PCDHA13: variants seen among roughly 807,000 people sequenced by gnomAD.
The protein encoded by PCDHA13 is protocadherin alpha-13.
PCDHA13 carries 54 observed loss-of-function variants against 64.8 expected under a neutral mutation model. That is an observed-to-expected ratio of 0.83 (90% CI 0.67 to 1.04). The LOEUF is 1.04. PCDHA13 is among the 50% of genes least tolerant of loss of function. The pLI is 0.00. For missense variants in PCDHA13, 1,248 were observed against 1,254.3 expected, an observed-to-expected ratio of 0.99 and a Z score of 0.08; for synonymous variants, 587 against 564.4, an observed-to-expected ratio of 1.04 and a Z score of -0.57.
chr5:140,948,403 T>A (rs2153683270), intron 1 of PCDHA13, among the ~76,000 whole-genome samples: 1 of 151,756 alleles, frequency 6.6e-6, no homozygotes, highest in Non-Finnish European at 1.5e-5. Context: ...GGTTGTGTAA[T>A]ATTGGTGTTA....
At chr5:140,917,332 G>GC (rs1293292013) in intron 1 of PCDHA13, among the ~76,000 whole-genome samples, 1 of 145,540 alleles carries the variant, frequency 6.9e-6, no homozygotes, top group Non-Finnish European at 1.5e-5. Flanking sequence ...GGCGGGGGAG[G>GC]GGGGGGATGG....
At chr5:140,905,704 T>C (rs960569704) in intron 1 of PCDHA13, among the ~76,000 whole-genome samples, 2 of 152,242 alleles carry the variant, frequency 1.3e-5, no homozygotes, top group African/African-American at 4.8e-5. Context: ...TCATTTATGA[T>C]TTCCTTCAGC....
At chr5:140,955,043 T>C (rs1285355120) in intron 1 of PCDHA13, among the ~76,000 whole-genome samples, 1 of 152,176 alleles carries the variant, frequency 6.6e-6, no homozygotes, top group Non-Finnish European at 1.5e-5. Context: ...CTTTTCCTCA[T>C]TGCTTGTTTT....
At chr5:140,928,932 G>T in intron 1 of PCDHA13, 5 of 1,614,108 alleles carry the variant, frequency 3.1e-6, no homozygotes, top group Non-Finnish European at 2.5e-6. Flanking sequence ...TTTCTGCCCA[G>T]AACTTGTATT....
At chr5:140,895,130 G>A (rs1423440826) in intron 1 of PCDHA13, among the ~76,000 whole-genome samples, 11 of 152,232 alleles carry the variant, frequency 7.2e-5, no homozygotes, top group African/African-American at 2.6e-4. Flanking sequence ...TAGTTGACAA[G>A]TTCATAGGGC....
chr5:140,958,242 T>A (rs1375619471), intron 1 of PCDHA13, among the ~76,000 whole-genome samples: 1 of 152,120 alleles, frequency 6.6e-6, no homozygotes, highest in Non-Finnish European at 1.5e-5. Context: ...TTTTTAACAA[T>A]TCTGAACAAA....
At chr5:140,989,863 TTCTC>T (rs2097364159) in intron 3 of PCDHA13, among the ~76,000 whole-genome samples, 1 of 151,988 alleles carries the variant, frequency 6.6e-6, no homozygotes, top group Non-Finnish European at 1.5e-5. Flanking sequence ...AGAGGAATCT[TTCTC>T]TGCCTCAGCA....
intron 3 of PCDHA13, among the ~76,000 whole-genome samples, chr5:141,005,325 A>G (rs1430982331): frequency 6.6e-6 from 1 of 152,226 alleles, no homozygotes; most frequent in Non-Finnish European, 1.5e-5. Context: ...GTAGAGAATA[A>G]TAGGCCAAGG....
At chr5:140,927,167 C>G in intron 1 of PCDHA13, 3 of 1,614,164 alleles carry the variant, frequency 1.9e-6, no homozygotes, top group Non-Finnish European at 2.5e-6. Flanking sequence ...GCCAAAGCTG[C>G]CTGCGTCTTG....
chr5:140,975,841 G>T (rs1389959509), intron 1 of PCDHA13, among the ~76,000 whole-genome samples: 1 of 152,066 alleles, frequency 6.6e-6, no homozygotes, highest in Non-Finnish European at 1.5e-5. Context: ...TTATTCTTCA[G>T]TAATACTACA....
Position 140,884,314 on chromosome 5 carries a change from G to T in PCDHA13, c.2046G>T (p.Ala682=). ...SGQAPQASSR[A]SAGAVGPEAA... ...AAGCGCCACAGGCTTCGTCGAGGGC[G>T]TCGGCAGGCGCTGTGGGTCCAGAAG... The change falls in exon 1 of 4, where the codon GCG becomes GCT. Residue 682 remains alanine, a synonymous_variant. Coordinates refer to ENST00000289272, the MANE Select transcript of PCDHA13 (RefSeq NM_018904.3). 6.2e-7 allele frequency: 1 copy of T among 1,613,760 alleles called. No individual in the cohort carries two copies.
chr5:140,916,092 A>T (rs1396935399), intron 1 of PCDHA13, among the ~76,000 whole-genome samples: 1 of 152,092 alleles, frequency 6.6e-6, no homozygotes, highest in Non-Finnish European at 1.5e-5. Flanking sequence ...GTCCACAGGG[A>T]ATCTGCCTGG....
At chr5:140,946,345 G>A (rs1292610586) in intron 1 of PCDHA13, among the ~76,000 whole-genome samples, 1 of 151,836 alleles carries the variant, frequency 6.6e-6, no homozygotes, top group Non-Finnish European at 1.5e-5. Flanking sequence ...GTGATGGAGA[G>A]GATGTGGAGA....
chr5:140,959,729 C>T (rs910806194), intron 1 of PCDHA13, among the ~76,000 whole-genome samples: 3 of 152,126 alleles, frequency 2.0e-5, no homozygotes, highest in South Asian at 4.1e-4. Context: ...ATAACATTAT[C>T]TCATCAAAAT....
intron 3 of PCDHA13, among the ~76,000 whole-genome samples, chr5:140,990,741 G>A (rs528078912): frequency 4.3e-4 from 65 of 152,270 alleles, no homozygotes; most frequent in African/African-American, 1.2e-3. Context: ...ACAGCCCTAG[G>A]GTGGATACCT....
intron 3 of PCDHA13, among the ~76,000 whole-genome samples, chr5:140,997,644 ATGCAATAT>A (rs1287449551): frequency 7.9e-5 from 12 of 151,656 alleles, no homozygotes; most frequent in African/African-American, 2.9e-4. Flanking sequence ...AAATGGGATA[ATGCAATAT>A]GTATTATTAT....
rs1029317869 is a variant in PCDHA13 at position 140,928,735 on chromosome 5, A to G, written c.2394+44073A>G. ...TAGTCTCTTTAGAATTTCAGCCAAT[A>G]TAGGTGAGCTCCGTACTGCTCGCTT... On this transcript the variant is annotated intron_variant, in intron 1 of 3. Coordinates refer to ENST00000289272, the MANE Select transcript of PCDHA13 (RefSeq NM_018904.3). 35 of 1,614,082 alleles carry G rather than the reference A, an allele frequency of 2.2e-5. No individual in the cohort carries two copies. The highest frequency in any genetic ancestry group is 2.9e-5 in the Non-Finnish European group (34 of 1,180,020).
At chr5:140,931,884 T>A (rs1554208638) in intron 1 of PCDHA13, among the ~76,000 whole-genome samples, 1 of 151,972 alleles carries the variant, frequency 6.6e-6, no homozygotes, top group Non-Finnish European at 1.5e-5. Flanking sequence ...ATTGCTTTCA[T>A]TTTATTTCAA....
rs535622037 is a variant in PCDHA13 at position 140,926,265 on chromosome 5, G to T, written c.2394+41603G>T. The T allele has an allele frequency of 8.1e-3, 1,228 of 152,360 alleles. 6 individuals carry two copies. The highest frequency in any genetic ancestry group is 0.019 in the African/African-American group (792 of 41,548). 9.4% of individuals were successfully genotyped at this position (152,360 alleles called of 1,614,324 possible). ...CACGTTCACCGTCCCGCCTCTCGCC[G>T]CCTCCGCTCGGCAGCTCCACGCTGA... is the stretch of plus-strand genomic sequence containing the variant. On this transcript the variant is annotated intron_variant, in intron 1 of 3. Transcript: ENST00000289272.
Sources: gnomAD v4.1 joint callset for allele counts (sites outside exome capture counted in the v4.1 genomes callset) on GRCh38, gnomAD v4.1.1 for gene constraint, MANE v1.5 for transcripts, NCBI Gene and HGNC (gene_info 2026-07-23, HGNC 2026-07-21) for gene names.